Variants in CDYL2 observed in about 807,000 individuals in gnomAD.
The protein encoded by CDYL2 is chromodomain Y like 2, also known as chromodomain Y-like protein 2.
A neutral mutation model predicts 49.4 loss-of-function variants in CDYL2; 23 were observed. The observed-to-expected ratio is 0.47, with a 90% CI of 0.34 to 0.66. The LOEUF is 0.66. Among genes scored for constraint, CDYL2 ranks in the 30% least tolerant of loss-of-function variants. The pLI, the probability that CDYL2 is intolerant of heterozygous loss-of-function variation, is 0.01. For missense variants in CDYL2, 678 were observed against 656.4 expected (o/e 1.03, Z -0.36); for synonymous variants, 360 against 268.8 (o/e 1.34, Z -3.32).
At chr16:80,788,559 G>T (rs891845887) in intron 1 of CDYL2, among the ~76,000 whole-genome samples, 1 of 152,210 alleles carries the variant, frequency 6.6e-6, no homozygotes, top group Non-Finnish European at 1.5e-5. Flanking sequence ...AAGCACAGGT[G>T]CAAGACAGTG....
At chr16:80,695,593 GA>G (rs1464660571) in intron 1 of CDYL2, among the ~76,000 whole-genome samples, 8 of 152,052 alleles carry the variant, frequency 5.3e-5, no homozygotes, top group Non-Finnish European at 1.2e-4. Flanking sequence ...AAAATGAGCA[GA>G]AGTGGTTATA....
At chr16:80,605,478 G>A (rs1312035967) in intron 6 of CDYL2, among the ~76,000 whole-genome samples, 2 of 148,802 alleles carry the variant, frequency 1.3e-5, no homozygotes, top group Non-Finnish European at 3.0e-5. Context: ...TCATAGTAAT[G>A]AGCAATAATC....
chr16:80,753,454 C>A (rs35046207), intron 1 of CDYL2, among the ~76,000 whole-genome samples: 34 of 151,902 alleles, frequency 2.2e-4, no homozygotes, highest in Non-Finnish European at 4.4e-4. Flanking sequence ...AATAAAAATA[C>A]AAAATTAGCC....
chr16:80,654,362 T>C (rs1331644927), intron 2 of CDYL2, among the ~76,000 whole-genome samples: 2 of 152,214 alleles, frequency 1.3e-5, no homozygotes, highest in Non-Finnish European at 2.9e-5. Context: ...TAAGATAACA[T>C]TTAAAGAAGC....
rs1266058579 is a variant in CDYL2 at position 80,727,863 on chromosome 16, C to T, written c.25-42734G>A. ...GACTAACACCTCACACGGCCAGGTA[C>T]TCCAACAGACTTGCAGCTGAGGGTC... On this transcript the variant is annotated intron_variant, in intron 1 of 6. Coordinates refer to ENST00000570137, the MANE Select transcript of CDYL2 (RefSeq NM_152342.4). Among the ~76,000 whole-genome samples the T allele has an allele frequency of 5.9e-5, 9 of 152,138 alleles. No homozygotes were observed. The South Asian group carries it at 8.3e-4, about 14-fold the overall frequency.
chr16:80,630,327 T>A (rs1907503898), intron 3 of CDYL2, among the ~76,000 whole-genome samples: 1 of 152,150 alleles, frequency 6.6e-6, no homozygotes, highest in Non-Finnish European at 1.5e-5. Flanking sequence ...GCACAACATG[T>A]TTTCCATGAT....
At chr16:80,704,328 C>A (rs755216401) in intron 1 of CDYL2, among the ~76,000 whole-genome samples, 4 of 152,358 alleles carry the variant, frequency 2.6e-5, no homozygotes, top group Admixed American at 6.5e-5. Context: ...GCTATTCTCT[C>A]AGAACCAATA....
chr16:80,623,231 C>A (rs748090648), intron 3 of CDYL2, among the ~76,000 whole-genome samples: 9 of 152,136 alleles, frequency 5.9e-5, no homozygotes, highest in Admixed American at 5.2e-4. Flanking sequence ...GGTCCACATG[C>A]GCCTCTGGGG....
At chr16:80,620,184 G>C (rs1907016202) in intron 4 of CDYL2, among the ~76,000 whole-genome samples, 2 of 152,232 alleles carry the variant, frequency 1.3e-5, no homozygotes, top group African/African-American at 4.8e-5. Context: ...CTACCCTTCA[G>C]TGTCCCAAAA....
At chr16:80,775,627 G>T (rs118140987) in intron 1 of CDYL2, among the ~76,000 whole-genome samples, 4,552 of 151,870 alleles carry the variant, frequency 0.03, 114 homozygotes, top group Admixed American at 0.075. Context: ...AGGAAAAAAG[G>T]AAAGAATGAT....
chr16:80,784,866 T>C (rs1456886393), intron 1 of CDYL2, among the ~76,000 whole-genome samples: 1 of 152,054 alleles, frequency 6.6e-6, no homozygotes, highest in African/African-American at 2.4e-5. Flanking sequence ...CAGGGAGGCA[T>C]CCTTAGTGAA....
At chr16:80,677,952 C>T (rs9746870) in intron 2 of CDYL2, among the ~76,000 whole-genome samples, 72,409 of 150,926 alleles carry the variant, frequency 0.48, 19,329 homozygotes, top group Middle Eastern at 0.64. Flanking sequence ...TCAGAAATAA[C>T]GTTGCATATC....
chr16:80,651,442 A>G (rs1203950260), intron 2 of CDYL2, among the ~76,000 whole-genome samples: 1 of 152,164 alleles, frequency 6.6e-6, no homozygotes, highest in Non-Finnish European at 1.5e-5. Flanking sequence ...CCAGTGGAAT[A>G]AGGGGAAGGT....
rs11362902 is a variant in CDYL2 at position 80,771,730 on chromosome 16, C to CA, written c.24+32419dup. Among the ~76,000 whole-genome samples, 155 of 139,794 alleles carry CA rather than the reference C, an allele frequency of 1.1e-3. No homozygotes were observed. In the Middle Eastern group the frequency reaches 0.014, roughly 13 times the overall value. The allele number at this position is 139,794 out of a possible 152,430, so 91.7% of individuals were successfully genotyped here. A position where few individuals can be genotyped will look rare whatever the true frequency, so the allele number is the denominator to read the frequency against. On this transcript the variant is annotated intron_variant, in intron 1 of 6. Transcript: ENST00000570137. The stretch of plus-strand genomic sequence containing the variant: ...AAAGAGTGAGACTCCATTTCAAAAG[C>CA]AAAAAAAAAATGAAAACTAAAAAAC...
intron 4 of CDYL2, among the ~76,000 whole-genome samples, chr16:80,617,686 C>T (rs185439800): frequency 4.3e-4 from 65 of 152,340 alleles, no homozygotes; most frequent in African/African-American, 5.5e-4. Flanking sequence ...TGTCTCTACA[C>T]GCCGCATCTT....
chr16:80,629,875 G>A (rs1907475967), intron 3 of CDYL2, among the ~76,000 whole-genome samples: 1 of 152,174 alleles, frequency 6.6e-6, no homozygotes, highest in Non-Finnish European at 1.5e-5. Context: ...AACAATGATG[G>A]GAACATTTAT....
intron 6 of CDYL2, among the ~76,000 whole-genome samples, chr16:80,607,467 C>T (rs891949593): frequency 1.3e-5 from 2 of 152,222 alleles, no homozygotes; most frequent in Non-Finnish European, 2.9e-5. Flanking sequence ...ATGCCTCTCT[C>T]AGCTCTGGAA....
At chr16:80,748,506 T>TAA (rs538432449) in intron 1 of CDYL2, among the ~76,000 whole-genome samples, 623 of 19,120 alleles carry the variant, frequency 0.033, 109 homozygotes, top group Middle Eastern at 0.059. Context: ...AAAACTCCAT[T>TAA]AAAAAAAAAA....
intron 1 of CDYL2, among the ~76,000 whole-genome samples, chr16:80,740,534 A>C (rs1182779148): frequency 6.6e-6 from 1 of 152,244 alleles, no homozygotes; most frequent in Non-Finnish European, 1.5e-5. Context: ...CAATGCAATA[A>C]GGCAGGAAAT....
Sources: allele counts gnomAD v4.1 joint callset (sites outside exome capture counted in the v4.1 genomes callset), GRCh38; gene constraint gnomAD v4.1.1; transcripts MANE v1.5; gene names NCBI Gene and HGNC (gene_info 2026-07-23, HGNC 2026-07-21).